Variants in PLD1 observed in about 807,000 individuals in gnomAD.
PLD1 encodes choline phosphatase 1.
In PLD1, 112 loss-of-function variants were observed where a neutral mutation model predicts 137.1. The observed-to-expected ratio is 0.82, with a 90% CI of 0.70 to 0.96. The LOEUF (loss-of-function observed/expected upper bound fraction) is 0.96, where lower values mean the gene tolerates loss of function less well. Ranked by LOEUF, PLD1 falls within the 40% of genes least tolerant of loss-of-function variation. The pLI is 0.00. For synonymous variants in PLD1, 431 were observed against 454.7 expected, an observed-to-expected ratio of 0.95 and a Z score of 0.66; for missense variants, 1,321 against 1,342.0, an observed-to-expected ratio of 0.98 and a Z score of 0.24.
At chr3:171,804,235 G>T (rs1361883181) in intron 1 of PLD1, among the ~76,000 whole-genome samples, 1 of 152,056 alleles carries the variant, frequency 6.6e-6, no homozygotes, top group Non-Finnish European at 1.5e-5. Flanking sequence ...TATTTCAAAG[G>T]ACTCCTTCAT....
At chr3:171,769,488 G>A (rs975325470) in intron 1 of PLD1, among the ~76,000 whole-genome samples, 5 of 152,126 alleles carry the variant, frequency 3.3e-5, no homozygotes, top group African/African-American at 1.2e-4. Context: ...GCATATATAT[G>A]GCATGTATAT....
intron 21 of PLD1, among the ~76,000 whole-genome samples, chr3:171,645,880 T>C (rs564209556): frequency 3.0e-5 from 3 of 98,898 alleles, no homozygotes; most frequent in East Asian, 5.7e-4. Flanking sequence ...CGAGACTCCA[T>C]CTCAAAAAAA....
In PLD1 at chr3:171,734,877, G is replaced by A. The variant is rs62281882; in HGVS notation, c.528C>T (p.Phe176=). 3.2e-5 allele frequency: 51 copies of A among 1,599,206 alleles called. No homozygotes were observed. Among genetic ancestry groups the A allele is most frequent in the Non-Finnish European group, 3.5e-5 (41 of 1,166,770 alleles). Residue 176 remains phenylalanine, a synonymous_variant, in exon 5 of 27, where the codon TTC becomes TTT. Transcript: ENST00000351298. ...TGAAGAAACTTACTCTTCTACCAAG[G>A]AATTGTTCTTCTCTTATCATGTTTT... The part of the protein sequence containing the change: ...SSENMIREEQ[F]LGRRKQLEDY...
In PLD1 at chr3:171,677,652, A is replaced by T. The variant is rs1328767330; in HGVS notation, c.1910T>A (p.Leu637Gln). 1.2e-6 allele frequency: 2 copies of T among 1,613,984 alleles called. No individual in the cohort carries two copies. The highest frequency in any genetic ancestry group is 1.7e-6 in the Non-Finnish European group (2 of 1,179,852). The change falls in exon 17 of 27, where the codon CTG becomes CAG. Residue 637 changes from leucine to glutamine, a missense_variant. By Grantham distance (113) the Leu-to-Gln change is moderately radical. Coordinates refer to ENST00000351298, the MANE Select transcript of PLD1 (RefSeq NM_002662.5). The part of the protein sequence containing the change: ...IRSLQTGVGE[L>Q]HGETRFWHGK... ...ATGCCAGAATCTGGTTTCCCCATGC[A>T]GCTCTCCCACACCTGTCTGTAAACT...
intron 23 of PLD1, among the ~76,000 whole-genome samples, chr3:171,629,292 A>C (rs1444298149): frequency 6.6e-6 from 1 of 151,994 alleles, no homozygotes; most frequent in African/African-American, 2.4e-5. Context: ...ATACCTAGGA[A>C]TCCAACTTAC....
chr3:171,655,025 G>C (rs1434851016), intron 21 of PLD1, among the ~76,000 whole-genome samples: 1 of 152,178 alleles, frequency 6.6e-6, no homozygotes, highest in Admixed American at 6.5e-5. Context: ...ACTTAGACCA[G>C]TCCAGGGAGT....
intron 15 of PLD1, among the ~76,000 whole-genome samples, chr3:171,687,025 G>C (rs929575064): frequency 6.6e-6 from 1 of 152,200 alleles, no homozygotes; most frequent in Admixed American, 6.5e-5. Flanking sequence ...TTTCTGGATA[G>C]GAAGATAAAT....
At chr3:171,790,171 G>A (rs1031258525) in intron 1 of PLD1, among the ~76,000 whole-genome samples, 1 of 152,216 alleles carries the variant, frequency 6.6e-6, no homozygotes, top group African/African-American at 2.4e-5. Flanking sequence ...TTAAAAGAGG[G>A]CTTAGGCCCT....
chr3:171,747,829 G>A (rs953183370), intron 1 of PLD1, among the ~76,000 whole-genome samples: 2 of 152,152 alleles, frequency 1.3e-5, no homozygotes, highest in Admixed American at 1.3e-4. Flanking sequence ...GTAAGTGACT[G>A]TAAGGGTCAC....
rs9837366 is a variant in PLD1 at position 171,698,800 on chromosome 3, A to G, written c.1227+945T>C. On this transcript the variant is annotated intron_variant, in intron 12 of 26. Coordinates refer to ENST00000351298, the MANE Select transcript of PLD1 (RefSeq NM_002662.5). The stretch of plus-strand genomic sequence containing the variant: ...TGGTGAAACCCCGTCTCTACTAAAA[A>G]TACAAAAATACAAAAAAAAAAAAAA... 7.3e-3 allele frequency among the ~76,000 whole-genome samples: 966 copies of G among 131,956 alleles called. 12 individuals are homozygous for G. The highest frequency in any genetic ancestry group is 0.022 in the African/African-American group (758 of 34,206). The allele number at this position is 131,956 out of a possible 152,430, so 86.6% of individuals were successfully genotyped here. A position where few individuals can be genotyped will look rare whatever the true frequency, so the allele number is the denominator to read the frequency against.
At chr3:171,754,732 G>A (rs1720894510) in intron 1 of PLD1, among the ~76,000 whole-genome samples, 1 of 152,190 alleles carries the variant, frequency 6.6e-6, no homozygotes, top group South Asian at 2.1e-4. Context: ...TTTCTCCAGT[G>A]TGATGGATGA....
intron 1 of PLD1, among the ~76,000 whole-genome samples, chr3:171,742,187 G>T (rs763561499): frequency 1.3e-5 from 2 of 152,180 alleles, no homozygotes; most frequent in Non-Finnish European, 2.9e-5. Flanking sequence ...TGGGAGGAAA[G>T]ATGGGCACTG....
chr3:171,619,467 G>GC (rs1234937282), intron 24 of PLD1, among the ~76,000 whole-genome samples: 1 of 152,150 alleles, frequency 6.6e-6, no homozygotes, highest in African/African-American at 2.4e-5. Context: ...AATGACTGCA[G>GC]ACCTTAGTGC....
rs959041288 is a variant in PLD1, at chr3:171,717,292, T to C, written c.759-3247A>G. ...AATAGCATTGAATCTGTAGATTGCT[T>C]TAGGCAGTATGGCCATTTTAATGAT... On this transcript the variant is annotated intron_variant, in intron 8 of 26. Coordinates refer to ENST00000351298, the MANE Select transcript of PLD1 (RefSeq NM_002662.5). Among the ~76,000 whole-genome samples, 8 of 152,348 alleles carry C rather than the reference T, an allele frequency of 5.3e-5. No individual in the cohort carries two copies. In the East Asian group the frequency reaches 1.5e-3, roughly 29 times the overall value.
At chr3:171,729,610 T>A (rs1718785528) in intron 6 of PLD1, among the ~76,000 whole-genome samples, 1 of 152,144 alleles carries the variant, frequency 6.6e-6, no homozygotes, top group Non-Finnish European at 1.5e-5. Context: ...AATGTCCTTG[T>A]AGACTCAGGT....
chr3:171,745,085 C>T (rs1423595835), intron 1 of PLD1, among the ~76,000 whole-genome samples: 2 of 152,190 alleles, frequency 1.3e-5, no homozygotes, highest in Non-Finnish European at 2.9e-5. Flanking sequence ...TTTCTAATTT[C>T]CTTTAATATA....
chr3:171,756,334 C>T (rs1272443251), intron 1 of PLD1, among the ~76,000 whole-genome samples: 1 of 152,186 alleles, frequency 6.6e-6, no homozygotes, highest in East Asian at 1.9e-4. Context: ...AATTACCCAG[C>T]TAAACTATGG....
At chr3:171,783,773 GCTGGGA>G (rs1012502571) in intron 1 of PLD1, among the ~76,000 whole-genome samples, 20 of 152,198 alleles carry the variant, frequency 1.3e-4, no homozygotes, top group African/African-American at 4.8e-4. Context: ...CTCCCGAGTA[GCTGGGA>G]CTACAGGCAC....
In PLD1 at chr3:171,640,063, TAGTC is replaced by T. The variant is rs1476286264; in HGVS notation, c.2593+2773_2593+2776del. On this transcript the variant is annotated intron_variant, in intron 23 of 26. Transcript: ENST00000351298. The stretch of plus-strand genomic sequence containing the variant: ...CTTTGAATCTTCTCTATTTGTTACT[TAGTC>T]AGTCCACCTAAAGTTTGTCAACTTT... 4.6e-5 allele frequency among the ~76,000 whole-genome samples: 7 copies of T among 151,956 alleles called. No individual in the cohort carries two copies. The East Asian group carries it at 7.7e-4, about 17-fold the overall frequency.
Sources: gnomAD v4.1 joint callset for allele counts (sites outside exome capture counted in the v4.1 genomes callset) on GRCh38, gnomAD v4.1.1 for gene constraint, MANE v1.5 for transcripts, NCBI Gene and HGNC (gene_info 2026-07-23, HGNC 2026-07-21) for gene names.